Variants in GRID2IP observed in about 807,000 individuals in gnomAD.
GRID2IP encodes Grid2 interacting protein.
A neutral mutation model predicts 114.3 loss-of-function variants in GRID2IP; 78 were observed. That is an observed-to-expected ratio of 0.68 (90% CI 0.57 to 0.82). The LOEUF (loss-of-function observed/expected upper bound fraction) is 0.82, where lower values mean the gene tolerates loss of function less well. Ranked by LOEUF, GRID2IP falls within the 40% of genes least tolerant of loss-of-function variation. The pLI, the probability that GRID2IP is intolerant of heterozygous loss-of-function variation, is 0.00. For missense variants in GRID2IP, 1,727 were observed against 1,678.5 expected (o/e 1.03, Z -0.51); for synonymous variants, 809 against 724.0 (o/e 1.12, Z -1.89).
In GRID2IP at chr7:6,509,214, C is replaced by T; in HGVS notation, c.1871G>A (p.Ser624Asn). The change falls in exon 12 of 22, where the codon AGC becomes AAC. Residue 624 changes from serine (S) to asparagine (N), a missense_variant. Physicochemically the swap from Ser to Asn is conservative, Grantham distance 46. Transcript: ENST00000457091. The surrounding 1 kb of genome is among the most constrained non-coding windows in gnomAD (Gnocchi z 4.9). ...LCSGGLASPSSSESHPYASLD... is the reference protein window; with the variant it reads ...LCSGGLASPSNSESHPYASLD... The stretch of plus-strand genomic sequence containing the variant: ...GCTGGCGTAGGGGTGGGACTCAGAG[C>T]TGCTGGGGGAGGCCAGACCCCCCGA... 1 of 1,497,280 alleles carries T rather than the reference C, an allele frequency of 6.7e-7. No homozygotes were observed. Among genetic ancestry groups the T allele is most frequent in the Non-Finnish European group, 8.9e-7 (1 of 1,121,386 alleles). The allele number at this position is 1,497,280 out of a possible 1,614,324, so 92.7% of individuals were successfully genotyped here. A position where few individuals can be genotyped will look rare whatever the true frequency, so the allele number is the denominator to read the frequency against.
Position 6,521,876 on chromosome 7 carries a change from A to G in GRID2IP, c.989+12T>C, listed in dbSNP as rs372848255. ...TCCTCACCAACCCCTGGTGTCCCCA[A>G]TAGCCTCTGACCTCATGTCCAGTCC... is the stretch of plus-strand genomic sequence containing the variant. On this transcript the variant is annotated intron_variant, in intron 5 of 21. Transcript: ENST00000457091. This position sits in a 1 kb window ranked among gnomAD's most constrained non-coding sequence, Gnocchi z 4.1. 271 of 1,549,090 alleles carry G rather than the reference A, an allele frequency of 1.7e-4. No individual in the cohort carries two copies. The highest frequency in any genetic ancestry group is 1.2e-3 in the African/African-American group (88 of 73,080).
Position 6,508,431 on chromosome 7 carries a change from G to T in GRID2IP, c.2128-30C>A, listed in dbSNP as rs1284959638. 7 of 1,550,324 alleles carry T rather than the reference G, an allele frequency of 4.5e-6. No individual in the cohort carries two copies. In the Admixed American group the frequency reaches 1.2e-4, roughly 26 times the overall value. ...TGGTGGGGAGAGAGGCAAGGGGAGG[G>T]TGAGGCTGGGCCCAGAGAGACTAGA... On this transcript the variant is annotated intron_variant, in intron 12 of 21. Transcript: ENST00000457091. The surrounding 1 kb of genome is among the most constrained non-coding windows in gnomAD (Gnocchi z 5.6).
chr7:6,549,463 G>C (rs1270045781), intron 1 of GRID2IP, among the ~76,000 whole-genome samples: 1 of 152,188 alleles, frequency 6.6e-6, no homozygotes, highest in Non-Finnish European at 1.5e-5. Context: ...AGCCTGGTTT[G>C]TGCCAAAGTC....
chr7:6,535,298 G>A (rs912918303), intron 2 of GRID2IP, among the ~76,000 whole-genome samples: 1 of 152,220 alleles, frequency 6.6e-6, no homozygotes, highest in African/African-American at 2.4e-5. Flanking sequence ...CTAAAGTGCT[G>A]GAATTACAGG....
chr7:6,512,564 G>A (rs1415343404), intron 8 of GRID2IP, among the ~76,000 whole-genome samples: 1 of 151,520 alleles, frequency 6.6e-6, no homozygotes, highest in African/African-American at 2.4e-5. Flanking sequence ...AGGTTGGAGT[G>A]TAGTGGTGCG....
chr7:6,511,805 C>T (rs998586795), intron 8 of GRID2IP, among the ~76,000 whole-genome samples: 10 of 152,214 alleles, frequency 6.6e-5, no homozygotes, highest in Non-Finnish European at 1.0e-4. Flanking sequence ...CAAGGACCAG[C>T]AACTCTGCAG....
In GRID2IP at chr7:6,507,958, A is replaced by G. The variant is rs1156373873; in HGVS notation, c.2544+27T>C. ...CCCAAGCCATCCTCCCCCAGTACAGAGCGCTGCTGGGTCCCAGGTCACCTA... is the reference window on the plus strand; with the variant it reads ...CCCAAGCCATCCTCCCCCAGTACAGGGCGCTGCTGGGTCCCAGGTCACCTA... On this transcript the variant is annotated intron_variant, in intron 13 of 21. Coordinates refer to ENST00000457091, the MANE Select transcript of GRID2IP (RefSeq NM_001145118.2). The surrounding 1 kb of genome is among the most constrained non-coding windows in gnomAD (Gnocchi z 5.3). 1.3e-6 allele frequency: 2 copies of G among 1,548,816 alleles called. No individual in the cohort carries two copies. Among genetic ancestry groups the G allele is most frequent in the East Asian group, 4.9e-5 (2 of 40,910 alleles).
rs1287677184 is a variant in GRID2IP, at chr7:6,511,516, GTGTCCGT to G, written c.1424-484_1424-478del. On this transcript the variant is annotated intron_variant, in intron 8 of 21. Transcript: ENST00000457091. ...GCCTCCCAAGTAGCTGGGATTACAG[GTGTCCGT>G]CACCATGCCTGGCTAATTTTTGTAT... 1.5e-3 allele frequency among the ~76,000 whole-genome samples: 227 copies of G among 152,072 alleles called. 5 individuals carry two copies. The South Asian group carries it at 0.024, about 16-fold the overall frequency.
intron 9 of GRID2IP, 88 bp from the exon 10 acceptor site, chr7:6,510,794 C>T: frequency 1.4e-6 from 2 of 1,476,056 alleles, no homozygotes; most frequent in Middle Eastern, 1.7e-4. Context: ...CCCAGGAGGG[C>T]CAATCCTGAG....
intron 1 of GRID2IP, among the ~76,000 whole-genome samples, chr7:6,545,178 C>G (rs1009379481): frequency 1.3e-5 from 2 of 152,044 alleles, no homozygotes; most frequent in Non-Finnish European, 2.9e-5. Context: ...ACTTGGGAGG[C>G]CGAGGTAGGA....
At chr7:6,529,775 C>G (rs1051024540) in intron 2 of GRID2IP, among the ~76,000 whole-genome samples, 1 of 152,134 alleles carries the variant, frequency 6.6e-6, no homozygotes, top group Non-Finnish European at 1.5e-5. Flanking sequence ...ACTCTGGAGT[C>G]CCTGCTATGC....
At chr7:6,545,174 G>C (rs910897969) in intron 1 of GRID2IP, among the ~76,000 whole-genome samples, 6 of 152,124 alleles carry the variant, frequency 3.9e-5, no homozygotes, top group Admixed American at 1.3e-4. Flanking sequence ...AGATACTTGG[G>C]AGGCCGAGGT....
rs1779622641 is a variant in GRID2IP at position 6,531,504 on chromosome 7, C to T, written c.585-4735G>A. The stretch of plus-strand genomic sequence containing the variant: ...CCCCGACGGCCTTTGGTAGAACATG[C>T]AATATTTTCCGGAGGGGATGCCCTT... On this transcript the variant is annotated intron_variant, in intron 2 of 21. Transcript: ENST00000457091. Among the ~76,000 whole-genome samples the T allele has an allele frequency of 3.9e-5, 6 of 152,230 alleles. 1 individual carries two copies. The South Asian group carries it at 1.2e-3, about 31-fold the overall frequency.
rs1779525137 is a variant in GRID2IP at position 6,526,905 on chromosome 7, G to A, written c.585-136C>T. On this transcript the variant is annotated intron_variant, in intron 2 of 21. Coordinates refer to ENST00000457091, the MANE Select transcript of GRID2IP (RefSeq NM_001145118.2). The surrounding 1 kb of genome is among the most constrained non-coding windows in gnomAD (Gnocchi z 7.6). Reference sequence around the variant, plus strand: ...CCTAGGAGTGGCGGAGGGCTGGGGGGATCGGGATGAGCAGCCGGTAGCACC... The same window carrying A: ...CCTAGGAGTGGCGGAGGGCTGGGGGAATCGGGATGAGCAGCCGGTAGCACC... The A allele has an allele frequency of 1.9e-6, 2 of 1,034,808 alleles. No individual in the cohort carries two copies. Among genetic ancestry groups the A allele is most frequent in the Non-Finnish European group, 1.3e-6 (1 of 773,548 alleles). The allele number at this position is 1,034,808 out of a possible 1,614,324, so 64.1% of individuals were successfully genotyped here. A position where few individuals can be genotyped will look rare whatever the true frequency, so the allele number is the denominator to read the frequency against.
chr7:6,533,408 G>T (rs2115089733), intron 2 of GRID2IP, among the ~76,000 whole-genome samples: 1 of 152,254 alleles, frequency 6.6e-6, no homozygotes, highest in South Asian at 2.1e-4. Flanking sequence ...ACCCAGGCTG[G>T]AGTGCAATGG....
At chr7:6,530,499 A>T (rs1779597730) in intron 2 of GRID2IP, among the ~76,000 whole-genome samples, 1 of 143,590 alleles carries the variant, frequency 7.0e-6, no homozygotes, top group Non-Finnish European at 1.5e-5. Context: ...TCCTGACCTC[A>T]GAAGATCCGC....
Position 6,509,293 on chromosome 7 carries a change from C to T in GRID2IP, c.1792G>A (p.Val598Ile), listed in dbSNP as rs760854139. Reference sequence around the variant, plus strand: ...AAGAGTCGCTCGCTGGGCCATGAGACGCCGGACAGGGTCCTGGGCCCTGGA... The same window carrying T: ...AAGAGTCGCTCGCTGGGCCATGAGATGCCGGACAGGGTCCTGGGCCCTGGA... ...VTTGPRTLSGVSWPSERLLPS... is the reference protein window; with the variant it reads ...VTTGPRTLSGISWPSERLLPS... The change falls in exon 12 of 22, where the codon GTC becomes ATC. Residue 598 changes from valine to isoleucine, a missense_variant. Transcript: ENST00000457091. The surrounding 1 kb of genome is among the most constrained non-coding windows in gnomAD (Gnocchi z 4.9). 54 of 1,523,314 alleles carry T rather than the reference C, an allele frequency of 3.5e-5. No individual in the cohort carries two copies. The highest frequency in any genetic ancestry group is 1.6e-4 in the South Asian group (13 of 78,990). 94.4% of individuals were successfully genotyped at this position (1,523,314 alleles called of 1,614,324 possible).
chr7:6,508,826 C>T lies in GRID2IP; in HGVS notation c.2127+132G>A. 1 of 1,371,112 alleles carries T rather than the reference C, an allele frequency of 7.3e-7. No individual in the cohort carries two copies. Among genetic ancestry groups the T allele is most frequent in the Non-Finnish European group, 9.6e-7 (1 of 1,036,524 alleles). The allele number at this position is 1,371,112 out of a possible 1,614,324, so 84.9% of individuals were successfully genotyped here. On this transcript the variant is annotated intron_variant, in intron 12 of 21. Coordinates refer to ENST00000457091, the MANE Select transcript of GRID2IP (RefSeq NM_001145118.2). The surrounding 1 kb of genome is among the most constrained non-coding windows in gnomAD (Gnocchi z 5.6). Reference sequence around the variant, plus strand: ...GGGGCAAGGGGTGGGATAGCTTGAGCTAGGGAGTGGGATAGCCTGGGGAAG... The same window carrying T: ...GGGGCAAGGGGTGGGATAGCTTGAGTTAGGGAGTGGGATAGCCTGGGGAAG...
At position 6,503,608 on chromosome 7, in the gene GRID2IP, C is replaced by G; in HGVS notation, c.2790G>C (p.Glu930Asp). Residue 930 changes from glutamate to aspartate, a missense_variant, in exon 16 of 22, where the codon GAG becomes GAC. By Grantham distance (45) the Glu-to-Asp change is conservative. Coordinates refer to ENST00000457091, the MANE Select transcript of GRID2IP (RefSeq NM_001145118.2). The stretch of plus-strand genomic sequence containing the variant: ...GCAGCAGCTGCGCGAGATGTGCGGG[C>G]TCCAGGCGCCGGGGCTCCATGCTCA... Reference protein sequence around the residue: ...VLMSMEPRRLEPAHLAQLLLF... With the variant: ...VLMSMEPRRLDPAHLAQLLLF... The G allele has an allele frequency of 6.5e-6, 10 of 1,529,156 alleles. No individual in the cohort carries two copies. The highest frequency in any genetic ancestry group is 8.7e-6 in the Non-Finnish European group (10 of 1,144,390). The allele number at this position is 1,529,156 out of a possible 1,614,324, so 94.7% of individuals were successfully genotyped here.
Sources: gnomAD v4.1 joint callset for allele counts (sites outside exome capture counted in the v4.1 genomes callset) on GRCh38, gnomAD v4.1.1 for gene constraint, Gnocchi (gnomAD v3.1) non-coding constraint, MANE v1.5 for transcripts, NCBI Gene and HGNC (gene_info 2026-07-23, HGNC 2026-07-21) for gene names.